Variants in TUT4 observed in about 807,000 individuals in gnomAD.
TUT4 encodes the protein terminal uridylyl transferase 4.
In TUT4, 36 loss-of-function variants were observed where a neutral mutation model predicts 192.2. The ratio of observed to expected loss-of-function variants is 0.19; its 90% CI spans 0.14 to 0.25. The LOEUF (loss-of-function observed/expected upper bound fraction) is 0.25, where lower values mean the gene tolerates loss of function less well. Among genes scored for constraint, TUT4 ranks in the 10% least tolerant of loss-of-function variants. TUT4 has a pLI of 1.00. For missense variants in TUT4, 1,493 were observed against 1,957.2 expected, an observed-to-expected ratio of 0.76 and a Z score of 4.47; for synonymous variants, 618 against 666.0, an observed-to-expected ratio of 0.93 and a Z score of 1.11.
Position 52,475,028 on chromosome 1 carries a change from G to A in TUT4, c.2531C>T (p.Pro844Leu). Reference protein sequence around the residue: ...NCIDLSKSPDPDKSTGTDCRS... With the variant: ...NCIDLSKSPDLDKSTGTDCRS... ...GCAGTCTGTTCCAGTAGATTTATCT[G>A]GGTCAGGCGACTTAGACAAATCAAT... Residue 844 changes from proline to leucine, a missense_variant, in exon 13 of 30, where the codon CCA (proline) becomes CTA (leucine). Pro to Leu is a moderately conservative substitution (Grantham distance 98, BLOSUM62 -3). This residue lies in a region of TUT4 where 245 missense variants were observed against 218.4 expected (regional missense o/e 1.12). Transcript: ENST00000257177. The A allele has an allele frequency of 6.2e-7, 1 of 1,614,126 alleles. No homozygotes were observed. Among genetic ancestry groups the A allele is most frequent in the Non-Finnish European group, 8.5e-7 (1 of 1,180,012 alleles).
chr1:52,546,624 A>C (rs1473904013), intron 1 of TUT4, among the ~76,000 whole-genome samples: 1 of 152,202 alleles, frequency 6.6e-6, no homozygotes, highest in African/African-American at 2.4e-5. Context: ...TGGCTGCACA[A>C]CATTATGAAT....
At position 52,496,759 on chromosome 1, in the gene TUT4, C is replaced by T. The variant is rs1004660215; in HGVS notation, c.1177+247G>A. ...ATATTGAAAAACTAAAATATTTGAC[C>T]GCCAAGAAATAGTTCTACATCTGGC... On this transcript the variant is annotated intron_variant, in intron 5 of 29. Coordinates refer to ENST00000257177, the MANE Select transcript of TUT4 (RefSeq NM_001009881.3). 7.2e-5 allele frequency among the ~76,000 whole-genome samples: 11 copies of T among 151,994 alleles called. No individual in the cohort carries two copies. The East Asian group carries it at 9.6e-4, about 13-fold the overall frequency.
Position 52,491,722 on chromosome 1 carries a change from A to C in TUT4, c.1319-921T>G, listed in dbSNP as rs549790248. Among the ~76,000 whole-genome samples, 55 of 152,196 alleles carry C rather than the reference A, an allele frequency of 3.6e-4. 1 individual carries two copies. Among genetic ancestry groups the C allele is most frequent in the African/African-American group, 1.2e-3 (49 of 41,540 alleles). ...ACAAAAATAACAACAACAAAAAAAAACCAGATAGATTAACATCACTTGTAA... is the reference window on the plus strand; with the variant it reads ...ACAAAAATAACAACAACAAAAAAAACCCAGATAGATTAACATCACTTGTAA... On this transcript the variant is annotated intron_variant, in intron 7 of 29. Transcript: ENST00000257177.
At chr1:52,439,909 T>C (rs1384626792) in intron 24 of TUT4, among the ~76,000 whole-genome samples, 1 of 152,210 alleles carries the variant, frequency 6.6e-6, no homozygotes, top group Non-Finnish European at 1.5e-5. Context: ...AAATGTGGTA[T>C]ATCCATACAA....
chr1:52,448,325 T>G (rs1311064319), intron 20 of TUT4, among the ~76,000 whole-genome samples: 3 of 152,108 alleles, frequency 2.0e-5, no homozygotes, highest in Non-Finnish European at 4.4e-5. Context: ...CAGTGGCTCA[T>G]GCCTGTAATC....
At chr1:52,542,171 G>A (rs929511715) in intron 1 of TUT4, among the ~76,000 whole-genome samples, 1 of 152,154 alleles carries the variant, frequency 6.6e-6, no homozygotes, top group Middle Eastern at 3.2e-3. Flanking sequence ...GTAGAATGGT[G>A]GTTGCTAGAG....
intron 15 of TUT4, 77 bp from the exon 16 acceptor site, chr1:52,465,250 A>G: frequency 2.2e-6 from 2 of 894,550 alleles, no homozygotes; most frequent in Non-Finnish European, 3.5e-6. Context: ...CTGATGACCT[A>G]ATACAACATG....
At chr1:52,540,147 A>G (rs1686141410) in intron 1 of TUT4, among the ~76,000 whole-genome samples, 1 of 150,788 alleles carries the variant, frequency 6.6e-6, no homozygotes, top group Non-Finnish European at 1.5e-5. Flanking sequence ...TGAACCCGGG[A>G]GGCAGAGACT....
chr1:52,458,424 C>A lies in TUT4; in HGVS notation c.3347G>T (p.Arg1116Met). ...AKRCDIGDASRGSLSSYAYIL... is the reference protein window; with the variant it reads ...AKRCDIGDASMGSLSSYAYIL... Reference sequence around the variant, plus strand: ...ATATGCATATGAAGATAAACTTCCCCTGGAAGCATCCCCAATGTCACATCG... The same window carrying A: ...ATATGCATATGAAGATAAACTTCCCATGGAAGCATCCCCAATGTCACATCG... The change falls in exon 20 of 30, where the codon AGG (arginine) becomes ATG (methionine). Residue 1116 changes from arginine (R) to methionine (M), a missense_variant. By Grantham distance (91) the Arg-to-Met change is moderately conservative (BLOSUM62 -1). Coordinates refer to ENST00000257177, the MANE Select transcript of TUT4 (RefSeq NM_001009881.3). 6.2e-7 allele frequency: 1 copy of A among 1,613,468 alleles called. No homozygotes were observed. Among genetic ancestry groups the A allele is most frequent in the Non-Finnish European group, 8.5e-7 (1 of 1,179,752 alleles).
chr1:52,471,597 A>G (rs1395778436), intron 14 of TUT4, among the ~76,000 whole-genome samples: 1 of 152,224 alleles, frequency 6.6e-6, no homozygotes, highest in Non-Finnish European at 1.5e-5. Flanking sequence ...CACTAGCCAC[A>G]TGTAGCTACT....
At chr1:52,427,794 G>A (rs943026125) in intron 28 of TUT4, among the ~76,000 whole-genome samples, 16 of 152,192 alleles carry the variant, frequency 1.1e-4, no homozygotes, top group African/African-American at 3.6e-4. Context: ...TTTGATAATG[G>A]GTAAAACAGG....
intron 18 of TUT4, 46 bp downstream of exon 18, chr1:52,461,464 AAAC>A (rs776062894): frequency 6.5e-7 from 1 of 1,531,718 alleles, no homozygotes. Context: ...AGTAATCTGT[AAAC>A]TTTTAAAATG....
At position 52,494,078 on chromosome 1, in the gene TUT4, T is replaced by G. The variant is rs948994884; in HGVS notation, c.1267-416A>C. Reference sequence around the variant, plus strand: ...TTTGCCTCCCAAAGCACGGGAATTATAAGCATGAGCCACCTTACCTGGCCA... The same window carrying G: ...TTTGCCTCCCAAAGCACGGGAATTAGAAGCATGAGCCACCTTACCTGGCCA... On this transcript the variant is annotated intron_variant, in intron 6 of 29. Coordinates refer to ENST00000257177, the MANE Select transcript of TUT4 (RefSeq NM_001009881.3). Among the ~76,000 whole-genome samples, 5 of 151,928 alleles carry G rather than the reference T, an allele frequency of 3.3e-5. No individual in the cohort carries two copies. The East Asian group carries it at 7.7e-4, about 23-fold the overall frequency.
Position 52,425,330 on chromosome 1 carries a change from A to T in TUT4, c.4870+19T>A. On this transcript the variant is annotated intron_variant, in intron 29 of 29. Transcript: ENST00000257177. ...TAAAACCCACCCAAGCCTGTTAACT[A>T]ATTTGTAAGCAGTGGTACCTTGAGT... The T allele has an allele frequency of 6.2e-7, 1 of 1,609,146 alleles. No individual in the cohort carries two copies. Among genetic ancestry groups the T allele is most frequent in the Non-Finnish European group, 8.5e-7 (1 of 1,176,844 alleles).
intron 2 of TUT4, among the ~76,000 whole-genome samples, chr1:52,518,399 C>T (rs1037419051): frequency 1.3e-5 from 2 of 152,198 alleles, no homozygotes; most frequent in Non-Finnish European, 2.9e-5. Context: ...AGGGCTCTCT[C>T]CTGGGTTGCA....
intron 1 of TUT4, among the ~76,000 whole-genome samples, chr1:52,535,743 T>C (rs544511784): frequency 7.2e-5 from 11 of 152,228 alleles, no homozygotes; most frequent in African/African-American, 2.6e-4. Flanking sequence ...CAGAGTCAAA[T>C]TGTCAAAACC....
At chr1:52,552,676 C>T (rs1571619292) in intron 1 of TUT4, among the ~76,000 whole-genome samples, 1 of 152,198 alleles carries the variant, frequency 6.6e-6, no homozygotes, top group East Asian at 1.9e-4. Context: ...GTCCCCAAAG[C>T]GCCCCAATGC....
intron 29 of TUT4, 171 bp downstream of exon 29, chr1:52,425,178 T>C (rs912896861): frequency 1.5e-6 from 1 of 669,538 alleles, no homozygotes; most frequent in Non-Finnish European, 2.3e-6. Context: ...CATCAAGTAA[T>C]GGAGATTTTG....
chr1:52,463,171 T>A (rs1663098412), intron 16 of TUT4: 1 of 981,700 alleles, frequency 1.0e-6, no homozygotes. Context: ...AGATTATATA[T>A]AATATACAAA....
Sources: allele counts gnomAD v4.1 joint callset (sites outside exome capture counted in the v4.1 genomes callset), GRCh38; gene constraint gnomAD v4.1.1; regional missense constraint gnomAD v4.1.1; transcripts MANE v1.5; gene names NCBI Gene and HGNC (gene_info 2026-07-23, HGNC 2026-07-21).